TRPM2: variants seen among roughly 807,000 people sequenced by gnomAD.
TRPM2 encodes transient receptor potential cation channel subfamily M member 2, also known as estrogen-responsive element-associated gene 1 protein.
TRPM2 carries 161 observed loss-of-function variants against 174.0 expected under a neutral mutation model. The ratio of observed to expected loss-of-function variants is 0.93; its 90% confidence interval spans 0.81 to 1.05. The LOEUF (loss-of-function observed/expected upper bound fraction) is 1.05. TRPM2 is among the 50% of genes least tolerant of loss of function. The pLI is 0.00. For synonymous variants in TRPM2, 954 were observed against 861.3 expected, an observed-to-expected ratio of 1.11 and a Z score of -1.88; for missense variants, 2,057 against 2,038.0, an observed-to-expected ratio of 1.01 and a Z score of -0.18.
chr21:44,405,127 C>T lies in TRPM2; in HGVS notation c.2539-15C>T, dbSNP rs1333134090. On this transcript the variant is annotated splice_polypyrimidine_tract_variant and intron_variant, in intron 16 of 31. Coordinates refer to ENST00000397928, the MANE Select transcript of TRPM2 (RefSeq NM_003307.4). The stretch of plus-strand genomic sequence containing the variant: ...GACAACCTGTCTGCCTTCCTACCGC[C>T]CCTCTTCCCAGTAGCTCTTCTATGA... The T allele has an allele frequency of 4.3e-6, 7 of 1,612,474 alleles. No homozygotes were observed. The African/African-American group carries it at 5.3e-5, about 12-fold the overall frequency.
Position 44,406,611 on chromosome 21 carries a change from C to A in TRPM2, c.2808C>A (p.Phe936Leu), listed in dbSNP as rs551710568. Reference protein sequence around the residue: ...IVKRMMKDVFFFLFLLAVWVV... With the variant: ...IVKRMMKDVFLFLFLLAVWVV... ...TCCTGCAGATGAAGGACGTCTTCTT[C>A]TTCCTCTTCCTGCTGGCTGTGTGGG... is the stretch of plus-strand genomic sequence containing the variant. Residue 936 changes from phenylalanine to leucine, a missense_variant, in exon 19 of 32, where the codon TTC becomes TTA. By Grantham distance (22) the Phe-to-Leu change is conservative. Coordinates refer to ENST00000397928, the MANE Select transcript of TRPM2 (RefSeq NM_003307.4). The A allele has an allele frequency of 8.1e-6, 13 of 1,610,154 alleles. No homozygotes were observed. The highest frequency in any genetic ancestry group is 1.1e-5 in the Non-Finnish European group (13 of 1,179,366).
chr21:44,353,930 A>C, intron 1 of TRPM2, 65 bp downstream of exon 1: 1 of 1,546,538 alleles, frequency 6.5e-7, no homozygotes, highest in Non-Finnish European at 8.7e-7. Flanking sequence ...TGGGCAGGTC[A>C]TAGCTTGAGG....
chr21:44,406,047 C>A lies in TRPM2; in HGVS notation c.2790+10C>A, dbSNP rs201124810. 497 of 1,603,070 alleles carry A rather than the reference C, an allele frequency of 3.1e-4. 3 individuals are homozygous for A. In the Middle Eastern group the frequency reaches 0.011, roughly 35 times the overall value. On this transcript the variant is annotated intron_variant, in intron 18 of 31. Transcript: ENST00000397928. ...CATTGTGAAGCGGATGGTAAGGGGGCGGGGGCACCGGCTCCATCGCGGCCT... is the reference window on the plus strand; with the variant it reads ...CATTGTGAAGCGGATGGTAAGGGGGAGGGGGCACCGGCTCCATCGCGGCCT...
At chr21:44,396,549 G>A (rs1453197455) in intron 12 of TRPM2, among the ~76,000 whole-genome samples, 1 of 27,394 alleles carries the variant, frequency 3.7e-5, no homozygotes. Context: ...CTGTGGAGGG[G>A]TGTGGAGGCT....
intron 25 of TRPM2, among the ~76,000 whole-genome samples, chr21:44,426,280 C>T (rs760661980): frequency 6.6e-6 from 1 of 152,178 alleles, no homozygotes; most frequent in Non-Finnish European, 1.5e-5. Context: ...TGGTGCAGGG[C>T]TTCTCTCTGG....
chr21:44,385,266 CTTGATG>C (rs1278068650), intron 9 of TRPM2, among the ~76,000 whole-genome samples: 1 of 152,040 alleles, frequency 6.6e-6, no homozygotes, highest in Non-Finnish European at 1.5e-5. Flanking sequence ...AGGAAACTAC[CTTGATG>C]TAATAAAAGC....
chr21:44,372,535 A>C (rs185090625), intron 5 of TRPM2, among the ~76,000 whole-genome samples: 1 of 152,168 alleles, frequency 6.6e-6, no homozygotes, highest in Non-Finnish European at 1.5e-5. Flanking sequence ...CATCAGCTCA[A>C]AAGTCCCAAA....
At position 44,391,106 on chromosome 21, in the gene TRPM2, C is replaced by T. The variant is rs945654939; in HGVS notation, c.1440+81C>T. The T allele has an allele frequency of 4.1e-5, 65 of 1,597,100 alleles. No homozygotes were observed. The highest frequency in any genetic ancestry group is 5.4e-5 in the African/African-American group (4 of 74,672). ...CACTGAAGCAAGGGCAGGCAAAGTT[C>T]GCATTGTCTGGATCCCAGCCCTTCC... On this transcript the variant is annotated intron_variant, in intron 10 of 31. Transcript: ENST00000397928. This position sits in a 1 kb window ranked among gnomAD's most constrained non-coding sequence, Gnocchi z 5.0.
At chr21:44,421,551 G>T (rs1004606517) in intron 22 of TRPM2, among the ~76,000 whole-genome samples, 13 of 152,104 alleles carry the variant, frequency 8.5e-5, no homozygotes, top group Non-Finnish European at 1.8e-4. Flanking sequence ...TGGGAGGATT[G>T]CTCGAGCCCA....
At chr21:44,362,085 C>T (rs2048224304) in intron 2 of TRPM2, among the ~76,000 whole-genome samples, 1 of 152,226 alleles carries the variant, frequency 6.6e-6, no homozygotes, top group South Asian at 2.1e-4. Context: ...TATAATACAG[C>T]TTATCACAAT....
rs115247532 is a variant in TRPM2, at chr21:44,407,102, C to A, written c.2962+337C>A. Among the ~76,000 whole-genome samples the A allele has an allele frequency of 3.1e-3, 455 of 145,324 alleles. 4 individuals are homozygous for A. Among genetic ancestry groups the A allele is most frequent in the African/African-American group, 0.011 (432 of 38,912 alleles). On this transcript the variant is annotated intron_variant, in intron 19 of 31. Coordinates refer to ENST00000397928, the MANE Select transcript of TRPM2 (RefSeq NM_003307.4). The stretch of plus-strand genomic sequence containing the variant: ...TCCCTCTCACCTCAATCAGAAATAA[C>A]TTCCTTCTTCTCTTGATGGAAATAA...
chr21:44,422,294 A>G, intron 22 of TRPM2: 1 of 1,536,052 alleles, frequency 6.5e-7, no homozygotes, highest in Non-Finnish European at 8.7e-7. Flanking sequence ...TTTGGGGGTC[A>G]AGGACAAGCT....
At position 44,403,642 on chromosome 21, in the gene TRPM2, CAT is replaced by C. The variant is rs773394707; in HGVS notation, c.2539-1499_2539-1498del. ...ACACATTCATGCATATGTATACACA[CAT>C]GCACACATGCACACACATGCATACA... On this transcript the variant is annotated intron_variant, in intron 16 of 31. Transcript: ENST00000397928. Among the ~76,000 whole-genome samples, 34 of 151,554 alleles carry C rather than the reference CAT, an allele frequency of 2.2e-4. No individual in the cohort carries two copies. In the South Asian group the frequency reaches 5.0e-3, roughly 22 times the overall value.
At position 44,395,446 on chromosome 21, in the gene TRPM2, G is replaced by A. The variant is rs1190849761; in HGVS notation, c.1827G>A (p.Lys609=). 1 of 1,612,792 alleles carries A rather than the reference G, an allele frequency of 6.2e-7. No homozygotes were observed. Among genetic ancestry groups the A allele is most frequent in the Non-Finnish European group, 8.5e-7 (1 of 1,179,962 alleles). ...GAGTGAGCCTCCGGTCCCTCTACAA[G>A]CGTTCCTCAGGCCATGTGACCTTCA... The part of the protein sequence containing the change: ...VQGVSLRSLY[K]RSSGHVTFTM... The change falls in exon 12 of 32, where the codon AAG becomes AAA. Residue 609 remains lysine (K), a synonymous_variant. Coordinates refer to ENST00000397928, the MANE Select transcript of TRPM2 (RefSeq NM_003307.4).
At chr21:44,382,195 A>G (rs528716996) in intron 8 of TRPM2, among the ~76,000 whole-genome samples, 1 of 152,318 alleles carries the variant, frequency 6.6e-6, no homozygotes, top group African/African-American at 2.4e-5. Flanking sequence ...ACATATATAC[A>G]TAGATGAAAC....
intron 20 of TRPM2, chr21:44,416,050 C>G (rs1420683525): frequency 6.6e-6 from 1 of 152,118 alleles, no homozygotes. Context: ...AATTCCTAGC[C>G]CTGACAGTGG....
intron 5 of TRPM2, among the ~76,000 whole-genome samples, chr21:44,374,317 T>G (rs1474424146): frequency 6.6e-6 from 1 of 152,030 alleles, no homozygotes; most frequent in African/African-American, 2.4e-5. Flanking sequence ...GGCCCGTATA[T>G]ATATTTTCTA....
Position 44,418,524 on chromosome 21 carries a change from C to G in TRPM2, c.3430C>G (p.Pro1144Ala). 1 of 1,614,118 alleles carries G rather than the reference C, an allele frequency of 6.2e-7. No homozygotes were observed. The highest frequency in any genetic ancestry group is 1.1e-5 in the South Asian group (1 of 91,088). The stretch of plus-strand genomic sequence containing the variant: ...CCGACAGTTCCAGCAAAAGCAGCGG[C>G]CCGAGCAGAAGATCGAGGACATCAG... ...QNRQFQQKQR[P>A]EQKIEDISNK... The change falls in exon 22 of 32, where the codon CCC (proline) becomes GCC (alanine). Residue 1144 changes from proline to alanine, a missense_variant. Physicochemically the swap from Pro to Ala is conservative, Grantham distance 27. Coordinates refer to ENST00000397928, the MANE Select transcript of TRPM2 (RefSeq NM_003307.4).
Position 44,367,716 on chromosome 21 carries a change from C to G in TRPM2, c.604+782C>G, listed in dbSNP as rs556127933. 1.3e-5 allele frequency among the ~76,000 whole-genome samples: 2 copies of G among 152,334 alleles called. No individual in the cohort carries two copies. The highest frequency in any genetic ancestry group is 6.5e-5 in the Admixed American group (1 of 15,308). ...AGAGTCACCCTGCTCTTCCTGGGGT[C>G]TGGGGTCTGGTCTTTGCCTCGCAGT... On this transcript the variant is annotated intron_variant, in intron 4 of 31. Coordinates refer to ENST00000397928, the MANE Select transcript of TRPM2 (RefSeq NM_003307.4). The surrounding 1 kb of genome is among the most constrained non-coding windows in gnomAD (Gnocchi z 4.6).
Sources: gnomAD v4.1 joint callset for allele counts (sites outside exome capture counted in the v4.1 genomes callset) on GRCh38, gnomAD v4.1.1 for gene constraint, Gnocchi (gnomAD v3.1) non-coding constraint, MANE v1.5 for transcripts, NCBI Gene and HGNC (gene_info 2026-07-23, HGNC 2026-07-21) for gene names.